The following MAPRE2 variants were observed in gnomAD, a reference collection of about 807,000 sequenced individuals.
The protein encoded by MAPRE2 is microtubule associated protein RP/EB family member 2, also known as microtubule-associated protein RP/EB family member 2.
In MAPRE2, 13 loss-of-function variants were observed where a neutral mutation model predicts 43.2. That is an observed-to-expected ratio of 0.30 (90% CI 0.20 to 0.48). The LOEUF is 0.48. Ranked by LOEUF, MAPRE2 falls within the 20% of genes least tolerant of loss-of-function variation. MAPRE2 has a pLI of 0.99. For synonymous variants in MAPRE2, 135 were observed against 148.8 expected (o/e 0.91, Z 0.68); for missense variants, 161 against 400.2 (o/e 0.40, Z 5.10).
chr18:35,105,071 T>C (rs1175161008), intron 4 of MAPRE2, among the ~76,000 whole-genome samples: 2 of 152,134 alleles, frequency 1.3e-5, no homozygotes, highest in Admixed American at 1.3e-4. Flanking sequence ...CTATGCTACC[T>C]TGGCCTCGTT....
At chr18:34,979,080 AGACG>A (rs1486378054) in intron 1 of MAPRE2, among the ~76,000 whole-genome samples, 1 of 152,170 alleles carries the variant, frequency 6.6e-6, no homozygotes, top group Non-Finnish European at 1.5e-5. Context: ...GTGAGAGAAA[AGACG>A]CTGAAACTGG....
intron 1 of MAPRE2, among the ~76,000 whole-genome samples, chr18:34,991,025 A>T: frequency 6.6e-6 from 1 of 152,032 alleles, no homozygotes; most frequent in South Asian, 2.1e-4. Context: ...TTGTTTTTCA[A>T]CTTCTATTTT....
At chr18:35,011,422 AAGTAATG>A (rs2097034599) in intron 2 of MAPRE2, among the ~76,000 whole-genome samples, 1 of 152,224 alleles carries the variant, frequency 6.6e-6, no homozygotes. Flanking sequence ...GAAAGAAGTT[AAGTAATG>A]AGCTGCAGCA....
chr18:34,992,279 G>T (rs1023458796), intron 1 of MAPRE2, among the ~76,000 whole-genome samples: 5 of 152,158 alleles, frequency 3.3e-5, no homozygotes, highest in African/African-American at 9.7e-5. Flanking sequence ...AAAACATGAA[G>T]TAAGACAAAG....
At chr18:35,063,710 C>G (rs1293075903) in intron 1 of MAPRE2, among the ~76,000 whole-genome samples, 2 of 151,990 alleles carry the variant, frequency 1.3e-5, no homozygotes, top group African/African-American at 4.8e-5. Flanking sequence ...ACAAAAAAGT[C>G]AGGCTGGGTA....
At chr18:34,979,116 G>C (rs2097014759) in intron 1 of MAPRE2, among the ~76,000 whole-genome samples, 1 of 152,174 alleles carries the variant, frequency 6.6e-6, no homozygotes, top group African/African-American at 2.4e-5. Context: ...CTAACACCCT[G>C]GGGCGGGGAA....
chr18:35,130,920 G>C (rs1024935589), intron 5 of MAPRE2, among the ~76,000 whole-genome samples: 2 of 152,094 alleles, frequency 1.3e-5, no homozygotes, highest in Admixed American at 6.5e-5. Context: ...CCCTTCACTT[G>C]GACTGTTCTG....
chr18:35,049,046 G>A (rs552488432), intron 1 of MAPRE2, among the ~76,000 whole-genome samples: 2 of 152,118 alleles, frequency 1.3e-5, no homozygotes, highest in South Asian at 4.2e-4. Context: ...AGTAATACTT[G>A]TTTTTGTTTT....
Position 35,069,469 on chromosome 18 carries a change from G to A in MAPRE2, c.123-726G>A, listed in dbSNP as rs144190898. On this transcript the variant is annotated intron_variant, in intron 1 of 6. Transcript: ENST00000300249. ...ATTGGCACTTACTCCAAAATAATCT[G>A]GCTTGGTAGGCTAGGATGGGATTGA... is the stretch of plus-strand genomic sequence containing the variant. Among the ~76,000 whole-genome samples the A allele has an allele frequency of 9.9e-4, 150 of 152,152 alleles. 2 individuals carry two copies. In the East Asian group the frequency reaches 0.011, roughly 11 times the overall value.
intron 2 of MAPRE2, among the ~76,000 whole-genome samples, chr18:35,032,716 T>G (rs139665165): frequency 7.6e-4 from 116 of 152,242 alleles, no homozygotes; most frequent in African/African-American, 2.6e-3. Context: ...TGGCTCCCTG[T>G]TCTCATGCTT....
chr18:35,032,992 C>T (rs762464697), intron 2 of MAPRE2, among the ~76,000 whole-genome samples: 11 of 152,036 alleles, frequency 7.2e-5, no homozygotes, highest in Non-Finnish European at 1.6e-4. Context: ...TTTAGTATAT[C>T]TCTTCCTGGA....
Position 35,124,367 on chromosome 18 carries a change from G to A in MAPRE2, c.611-2581G>A, listed in dbSNP as rs75293266. Among the ~76,000 whole-genome samples the A allele has an allele frequency of 4.0e-3, 607 of 152,254 alleles. 5 individuals are homozygous for A. The highest frequency in any genetic ancestry group is 0.014 in the African/African-American group (576 of 41,544). On this transcript the variant is annotated intron_variant, in intron 4 of 6. Transcript: ENST00000300249. ...CCATGCTTCAATTACCTGCCACGGG[G>A]TCCCTCCCACAACATGTGGGGATTA...
chr18:35,118,493 G>T (rs1029653965), intron 4 of MAPRE2, among the ~76,000 whole-genome samples: 3 of 152,148 alleles, frequency 2.0e-5, no homozygotes, highest in African/African-American at 7.2e-5. Context: ...ACAGAATAGG[G>T]TTTCCTAAAC....
At chr18:35,090,135 G>C (rs1416516553) in intron 2 of MAPRE2, among the ~76,000 whole-genome samples, 4 of 152,114 alleles carry the variant, frequency 2.6e-5, no homozygotes, top group Non-Finnish European at 1.5e-5. Flanking sequence ...CTGGAGGGAG[G>C]AGAGATCATA....
At chr18:35,064,874 T>G (rs1906756799) in intron 1 of MAPRE2, among the ~76,000 whole-genome samples, 1 of 152,218 alleles carries the variant, frequency 6.6e-6, no homozygotes, top group African/African-American at 2.4e-5. Flanking sequence ...AGGCTTTCCT[T>G]TTTCTAAAGT....
At chr18:35,041,216 T>C (rs113424601), upstream of MAPRE2, 1 of 817,440 alleles carries the variant, frequency 1.2e-6, no homozygotes, top group South Asian at 2.0e-5. Flanking sequence ...ACATGCCAGA[T>C]GTAGGCCTGC....
intron 3 of MAPRE2, among the ~76,000 whole-genome samples, chr18:35,099,894 G>GTTGCT (rs1164540409): frequency 7.9e-5 from 12 of 152,298 alleles, no homozygotes; most frequent in African/African-American, 2.6e-4. Flanking sequence ...GCGTGCTTCA[G>GTTGCT]TTGCTTTTTT....
rs1003184038 is a variant in MAPRE2 at position 35,132,109 on chromosome 18, G to A, written c.828G>A (p.Glu276=). The A allele has an allele frequency of 6.2e-7, 1 of 1,614,200 alleles. No homozygotes were observed. Among genetic ancestry groups the A allele is most frequent in the African/African-American group, 1.3e-5 (1 of 75,064 alleles). The change falls in exon 6 of 7, where the codon GAG becomes GAA. Residue 276 remains glutamate, a synonymous_variant. Transcript: ENST00000300249. ...ACTTTGGGAAGTTGAGAGAGATCGA[G>A]CTACTCTGCCAAGAACACGGGCAGG... ...DFYFGKLREI[E]LLCQEHGQEN...
rs146375346 is a variant in MAPRE2, at chr18:35,110,377, C to T, written c.610+8218C>T. ...TTTCATATATGTTGTATATGTTTTG[C>T]GTATGTTAAAGTCAGTGGAGTTTTT... On this transcript the variant is annotated intron_variant, in intron 4 of 6. Coordinates refer to ENST00000300249, the MANE Select transcript of MAPRE2 (RefSeq NM_014268.4). Among the ~76,000 whole-genome samples, 250 of 152,070 alleles carry T rather than the reference C, an allele frequency of 1.6e-3. 1 individual carries two copies. The highest frequency in any genetic ancestry group is 5.6e-3 in the African/African-American group (233 of 41,504).
Sources: allele counts gnomAD v4.1 joint callset (sites outside exome capture counted in the v4.1 genomes callset), GRCh38; gene constraint gnomAD v4.1.1; transcripts MANE v1.5; gene names NCBI Gene and HGNC (gene_info 2026-07-23, HGNC 2026-07-21).